BTBD9: variants seen among roughly 807,000 people sequenced by gnomAD.
The protein encoded by BTBD9 is BTB domain containing 9.
In BTBD9, 49 loss-of-function variants were observed where a neutral mutation model predicts 64.3. The observed-to-expected ratio is 0.76, with a 90% CI of 0.61 to 0.97. The LOEUF is 0.97. Ranked by LOEUF, BTBD9 falls within the 50% of genes least tolerant of loss-of-function variation. The probability of loss-of-function intolerance (pLI) is 0.00; values close to 1 mark genes in which losing one functional copy is unlikely to be tolerated. For synonymous variants in BTBD9, 260 were observed against 274.7 expected (o/e 0.95, Z 0.53); for missense variants, 598 against 762.1 (o/e 0.78, Z 2.53).
chr6:38,598,878 T>C (rs2127498356), intron 1 of BTBD9, among the ~76,000 whole-genome samples: 1 of 152,146 alleles, frequency 6.6e-6, no homozygotes. Context: ...GATGGCGCCA[T>C]TGCACTCCAG....
chr6:38,254,874 CAG>C (rs771686161), intron 9 of BTBD9, among the ~76,000 whole-genome samples: 9 of 152,242 alleles, frequency 5.9e-5, no homozygotes, highest in Admixed American at 3.3e-4. Flanking sequence ...AAGTTAAACG[CAG>C]AGTTATCCGA....
intron 9 of BTBD9, among the ~76,000 whole-genome samples, chr6:38,251,559 C>T (rs1192127403): frequency 1.3e-5 from 2 of 152,062 alleles, no homozygotes; most frequent in African/African-American, 4.8e-5. Flanking sequence ...GCCATTGCGG[C>T]CAGGCTGCTT....
intron 1 of BTBD9, among the ~76,000 whole-genome samples, chr6:38,620,760 A>C (rs1038241004): frequency 6.6e-6 from 1 of 152,164 alleles, no homozygotes; most frequent in Non-Finnish European, 1.5e-5. Flanking sequence ...ACATTAAAAC[A>C]GTTGCGGGGG....
intron 9 of BTBD9, among the ~76,000 whole-genome samples, chr6:38,225,019 G>A (rs954273484): frequency 2.6e-5 from 4 of 152,216 alleles, no homozygotes; most frequent in African/African-American, 4.8e-5. Context: ...GATGGTGAAT[G>A]TGGGTCTTAA....
Position 38,437,599 on chromosome 6 carries a change from T to C in BTBD9, c.1155-92506A>G, listed in dbSNP as rs146014103. ...ACTGTAATGCCCTTTCCACATGTTTTCTGATGTGTTTCATCTTTAATCTTA... is the reference window on the plus strand; with the variant it reads ...ACTGTAATGCCCTTTCCACATGTTTCCTGATGTGTTTCATCTTTAATCTTA... On this transcript the variant is annotated intron_variant, in intron 6 of 10. Coordinates refer to ENST00000481247, the MANE Select transcript of BTBD9 (RefSeq NM_001099272.2). Among the ~76,000 whole-genome samples the C allele has an allele frequency of 3.3e-3, 496 of 152,344 alleles. 2 individuals are homozygous for C. The highest frequency in any genetic ancestry group is 0.011 in the African/African-American group (470 of 41,576).
rs77218309 is a variant in BTBD9, at chr6:38,297,494, C to T, written c.1265-9033G>A. ...TACATCATCTTAGAAATTATATCTT[C>T]CTGGTAGATTGAACCTTTCATCATT... On this transcript the variant is annotated intron_variant, in intron 7 of 10. Transcript: ENST00000481247. Among the ~76,000 whole-genome samples the T allele has an allele frequency of 5.3e-3, 813 of 152,256 alleles. 6 individuals are homozygous for T. Among genetic ancestry groups the T allele is most frequent in the African/African-American group, 0.018 (755 of 41,552 alleles).
At chr6:38,437,067 T>C (rs1768776093) in intron 6 of BTBD9, among the ~76,000 whole-genome samples, 1 of 152,230 alleles carries the variant, frequency 6.6e-6, no homozygotes, top group South Asian at 2.1e-4. Context: ...GGGTTGGTGA[T>C]AATGCATATT....
chr6:38,625,280 T>G (rs551656457), intron 1 of BTBD9, among the ~76,000 whole-genome samples: 1 of 152,356 alleles, frequency 6.6e-6, no homozygotes, highest in African/African-American at 2.4e-5. Flanking sequence ...AGATTTACGA[T>G]AATATAATAA....
At chr6:38,216,030 A>C (rs1762998887) in intron 9 of BTBD9, among the ~76,000 whole-genome samples, 1 of 152,008 alleles carries the variant, frequency 6.6e-6, no homozygotes, top group Non-Finnish European at 1.5e-5. Context: ...CTCTATTTTC[A>C]CCTTTCACTT....
intron 6 of BTBD9, among the ~76,000 whole-genome samples, chr6:38,454,784 G>A (rs796720229): frequency 6.7e-6 from 1 of 149,482 alleles, no homozygotes; most frequent in African/African-American, 2.5e-5. Flanking sequence ...CTAGAAGACA[G>A]AGCAAGACTC....
At chr6:38,468,391 C>A (rs1770492423) in intron 6 of BTBD9, among the ~76,000 whole-genome samples, 1 of 152,216 alleles carries the variant, frequency 6.6e-6, no homozygotes, top group African/African-American at 2.4e-5. Context: ...CTTGTCATTT[C>A]CTAAATATGT....
intron 6 of BTBD9, among the ~76,000 whole-genome samples, chr6:38,416,061 A>C (rs1767650708): frequency 6.6e-6 from 1 of 152,182 alleles, no homozygotes; most frequent in African/African-American, 2.4e-5. Context: ...GAAAGAGAGG[A>C]AAATTACACT....
chr6:38,417,526 A>G (rs1767719323), intron 6 of BTBD9, among the ~76,000 whole-genome samples: 1 of 152,198 alleles, frequency 6.6e-6, no homozygotes, highest in South Asian at 2.1e-4. Context: ...GTAATCCTAG[A>G]ACTTCGGGAG....
At chr6:38,321,514 T>C (rs1180807868) in intron 7 of BTBD9, among the ~76,000 whole-genome samples, 2 of 152,146 alleles carry the variant, frequency 1.3e-5, no homozygotes, top group African/African-American at 4.8e-5. Flanking sequence ...AGGGATGACA[T>C]TAAACTGGAC....
intron 7 of BTBD9, among the ~76,000 whole-genome samples, chr6:38,319,495 T>A (rs1275524665): frequency 6.6e-6 from 1 of 151,884 alleles, no homozygotes; most frequent in East Asian, 2.0e-4. Flanking sequence ...GGCACTTTAG[T>A]CAGCACGTGA....
intron 7 of BTBD9, among the ~76,000 whole-genome samples, chr6:38,319,984 A>T (rs1308695303): frequency 6.6e-6 from 1 of 151,938 alleles, no homozygotes; most frequent in East Asian, 1.9e-4. Context: ...GGGATGGGGG[A>T]TCTCCCTCTG....
At chr6:38,353,275 T>C (rs1354746893) in intron 6 of BTBD9, among the ~76,000 whole-genome samples, 3 of 152,226 alleles carry the variant, frequency 2.0e-5, no homozygotes, top group Non-Finnish European at 4.4e-5. Flanking sequence ...AAGCAATGTC[T>C]TGCTTATTTC....
At chr6:38,532,200 C>G (rs1418606035) in intron 6 of BTBD9, among the ~76,000 whole-genome samples, 1 of 152,170 alleles carries the variant, frequency 6.6e-6, no homozygotes, top group Non-Finnish European at 1.5e-5. Flanking sequence ...GAAAACAAAA[C>G]TGGGCTGAAC....
At chr6:38,461,988 T>C (rs1407470901) in intron 6 of BTBD9, among the ~76,000 whole-genome samples, 2 of 152,220 alleles carry the variant, frequency 1.3e-5, no homozygotes, top group African/African-American at 4.8e-5. Flanking sequence ...GAAGTATCAG[T>C]TCAAATGTTT....
Sources: allele counts gnomAD v4.1 joint callset (sites outside exome capture counted in the v4.1 genomes callset), GRCh38; gene constraint gnomAD v4.1.1; transcripts MANE v1.5; gene names NCBI Gene and HGNC (gene_info 2026-07-23, HGNC 2026-07-21).